SDK1: variants seen among roughly 807,000 people sequenced by gnomAD.
The protein encoded by SDK1 is protein sidekick-1.
SDK1 carries 157 observed loss-of-function variants against 245.5 expected under a neutral mutation model. That is an observed-to-expected ratio of 0.64 (90% CI 0.56 to 0.73). SDK1 has a LOEUF of 0.73. SDK1 is among the 30% of genes least tolerant of loss of function. The pLI is 0.00. For synonymous variants in SDK1, 1,647 were observed against 1,278.5 expected, an observed-to-expected ratio of 1.29 and a Z score of -6.15; for missense variants, 3,583 against 3,002.3, an observed-to-expected ratio of 1.19 and a Z score of -4.52.
chr7:3,419,978 A>C (rs910371740), intron 1 of SDK1, among the ~76,000 whole-genome samples: 19 of 152,172 alleles, frequency 1.2e-4, no homozygotes, highest in Non-Finnish European at 2.2e-4. Flanking sequence ...AATAATGAGA[A>C]ATGCACCCAA....
chr7:3,710,584 T>A (rs1785019684), intron 4 of SDK1, among the ~76,000 whole-genome samples: 1 of 151,582 alleles, frequency 6.6e-6, no homozygotes, highest in African/African-American at 2.4e-5. Flanking sequence ...TGTACTGTTT[T>A]ATCTCCTGTG....
chr7:3,680,928 C>T (rs746372643), intron 4 of SDK1, among the ~76,000 whole-genome samples: 6 of 152,132 alleles, frequency 3.9e-5, no homozygotes, highest in Admixed American at 1.3e-4. Flanking sequence ...CTGCAACCTC[C>T]ACCTCCCGGG....
At chr7:3,416,376 C>G (rs796871660) in intron 1 of SDK1, among the ~76,000 whole-genome samples, 4 of 152,146 alleles carry the variant, frequency 2.6e-5, no homozygotes, top group Admixed American at 1.3e-4. Flanking sequence ...TTAACTTCTC[C>G]CCACGGGAGA....
intron 4 of SDK1, among the ~76,000 whole-genome samples, chr7:3,777,487 C>T (rs188444940): frequency 9.8e-5 from 15 of 152,290 alleles, no homozygotes; most frequent in African/African-American, 3.4e-4. Flanking sequence ...AATTAGCCAA[C>T]CTGTGGCTGA....
At position 3,971,577 on chromosome 7, in the gene SDK1, A is replaced by C. The variant is rs748046173; in HGVS notation, c.1817+9A>C. ...CCCCGGGTTTCACTCCGGTCAGCACAATCAGTTACAATGCTTTGGGGCTTG... is the reference window on the plus strand; with the variant it reads ...CCCCGGGTTTCACTCCGGTCAGCACCATCAGTTACAATGCTTTGGGGCTTG... On this transcript the variant is annotated intron_variant, in intron 12 of 44. Coordinates refer to ENST00000404826, the MANE Select transcript of SDK1 (RefSeq NM_152744.4). 8 of 1,578,724 alleles carry C rather than the reference A, an allele frequency of 5.1e-6. No homozygotes were observed. In the Admixed American group the frequency reaches 1.4e-4, roughly 27 times the overall value.
chr7:3,455,276 A>G (rs915815292), intron 1 of SDK1, among the ~76,000 whole-genome samples: 7 of 151,668 alleles, frequency 4.6e-5, no homozygotes, highest in African/African-American at 7.3e-5. Context: ...ACAAAGCAAA[A>G]TTTTAAATTT....
chr7:3,333,176 G>A (rs909449077), intron 1 of SDK1, among the ~76,000 whole-genome samples: 1 of 152,124 alleles, frequency 6.6e-6, no homozygotes, highest in African/African-American at 2.4e-5. Context: ...TTGCTTTGTC[G>A]GGGGAGGGAG....
chr7:3,857,420 C>T (rs1423929024), intron 5 of SDK1, among the ~76,000 whole-genome samples: 1 of 152,148 alleles, frequency 6.6e-6, no homozygotes, highest in Non-Finnish European at 1.5e-5. Flanking sequence ...TGACGGCTCA[C>T]ACCTGTAATC....
Position 3,357,326 on chromosome 7 carries a change from G to GTTTTTTTT in SDK1, c.298+55443_298+55444insTTTTTTTT, listed in dbSNP as rs1780826215. 1.0e-4 allele frequency among the ~76,000 whole-genome samples: 5 copies of GTTTTTTTT among 50,102 alleles called. 1 individual carries two copies. The highest frequency in any genetic ancestry group is 8.1e-5 in the Non-Finnish European group (2 of 24,806). 32.9% of individuals were successfully genotyped at this position (50,102 alleles called of 152,430 possible). Reference sequence around the variant, plus strand: ...TTTTACTCTTGCTCCCCTTCTTTTAGTGTTTTTTTTTTTTTTTTTTTTTTT... The same window carrying GTTTTTTTT: ...TTTTACTCTTGCTCCCCTTCTTTTAGTTTTTTTTTGTTTTTTTTTTTTTTTTTTTTTTT... On this transcript the variant is annotated intron_variant, in intron 1 of 44. Transcript: ENST00000404826.
chr7:3,315,691 T>A (rs1310568663), intron 1 of SDK1, among the ~76,000 whole-genome samples: 1 of 152,224 alleles, frequency 6.6e-6, no homozygotes, highest in African/African-American at 2.4e-5. Context: ...ACATTCAGCA[T>A]TTATAACTTT....
intron 32 of SDK1, among the ~76,000 whole-genome samples, chr7:4,171,465 C>T (rs1212586612): frequency 6.6e-6 from 1 of 152,184 alleles, no homozygotes; most frequent in African/African-American, 2.4e-5. Flanking sequence ...AGCTGGGTGT[C>T]TTGTTTTTTT....
intron 4 of SDK1, among the ~76,000 whole-genome samples, chr7:3,804,472 A>C (rs77431829): frequency 6.6e-6 from 1 of 152,246 alleles, no homozygotes; most frequent in Non-Finnish European, 1.5e-5. Flanking sequence ...CCAATACCAC[A>C]CTGGATATAG....
At chr7:3,642,678 A>G (rs529097476) in intron 4 of SDK1, 1 of 152,382 alleles carries the variant, frequency 6.6e-6, no homozygotes, top group South Asian at 2.1e-4. Flanking sequence ...TCTTGAAATA[A>G]TGCTTATCTC....
intron 4 of SDK1, among the ~76,000 whole-genome samples, chr7:3,660,467 A>C (rs1562638102): frequency 6.6e-6 from 1 of 152,224 alleles, no homozygotes; most frequent in Non-Finnish European, 1.5e-5. Context: ...GGAGGGAGAC[A>C]GAAGTGGAGA....
Position 3,875,404 on chromosome 7 carries a change from G to A in SDK1, c.847+53821G>A, listed in dbSNP as rs1034730569. Among the ~76,000 whole-genome samples, 8 of 152,180 alleles carry A rather than the reference G, an allele frequency of 5.3e-5. No individual in the cohort carries two copies. In the East Asian group the frequency reaches 7.7e-4, roughly 15 times the overall value. On this transcript the variant is annotated intron_variant, in intron 5 of 44. Transcript: ENST00000404826. ...TAAGTCACTCTCAGAAAACCAAATCGTTCTTTAGTTCCTTTAATACCCAAG... is the reference window on the plus strand; with the variant it reads ...TAAGTCACTCTCAGAAAACCAAATCATTCTTTAGTTCCTTTAATACCCAAG...
At chr7:3,432,006 C>A (rs1484122374) in intron 1 of SDK1, among the ~76,000 whole-genome samples, 2 of 151,184 alleles carry the variant, frequency 1.3e-5, no homozygotes, top group African/African-American at 4.9e-5. Context: ...AAAATATACC[C>A]GTTGAATAGA....
At chr7:4,061,052 G>A (rs1005880468) in intron 19 of SDK1, among the ~76,000 whole-genome samples, 5 of 152,208 alleles carry the variant, frequency 3.3e-5, no homozygotes, top group African/African-American at 1.2e-4. Flanking sequence ...GAGCCTTGTA[G>A]TATAGTTTGA....
At chr7:3,435,939 T>C (rs1051695940) in intron 1 of SDK1, among the ~76,000 whole-genome samples, 2 of 152,228 alleles carry the variant, frequency 1.3e-5, no homozygotes, top group African/African-American at 2.4e-5. Flanking sequence ...TTGGATGTAG[T>C]TGAAAAAGCA....
At chr7:3,473,571 C>T (rs1781249047) in intron 1 of SDK1, among the ~76,000 whole-genome samples, 1 of 152,176 alleles carries the variant, frequency 6.6e-6, no homozygotes, top group Non-Finnish European at 1.5e-5. Flanking sequence ...GTTGGCTGTC[C>T]TAAATGACCT....
Sources: allele counts gnomAD v4.1 joint callset (sites outside exome capture counted in the v4.1 genomes callset), GRCh38; gene constraint gnomAD v4.1.1; transcripts MANE v1.5; gene names NCBI Gene and HGNC (gene_info 2026-07-23, HGNC 2026-07-21).